TPST1: variants seen among roughly 807,000 people sequenced by gnomAD.
TPST1 encodes tyrosylprotein sulfotransferase 1.
A neutral mutation model predicts 34.8 loss-of-function variants in TPST1; 20 were observed. The ratio of observed to expected loss-of-function variants is 0.57; its 90% CI spans 0.40 to 0.84. The LOEUF (loss-of-function observed/expected upper bound fraction) is 0.84. Ranked by LOEUF, TPST1 falls within the 40% of genes least tolerant of loss-of-function variation. The pLI is 0.00. For synonymous variants in TPST1, 152 were observed against 159.4 expected (o/e 0.95, Z 0.35); for missense variants, 353 against 455.5 (o/e 0.78, Z 2.05).
intron 1 of TPST1, among the ~76,000 whole-genome samples, chr7:66,219,929 G>A (rs1310662266): frequency 6.6e-6 from 1 of 152,150 alleles, no homozygotes; most frequent in Non-Finnish European, 1.5e-5. Context: ...TTGCAGCAAT[G>A]TAAGGGATTG....
At chr7:66,350,427 C>G (rs1231869054) in intron 3 of TPST1, among the ~76,000 whole-genome samples, 3 of 152,092 alleles carry the variant, frequency 2.0e-5, no homozygotes, top group African/African-American at 7.2e-5. Flanking sequence ...GTTTTGTTAT[C>G]CTGCACCCTG....
At chr7:66,231,108 C>T (rs1789778696) in intron 1 of TPST1, among the ~76,000 whole-genome samples, 1 of 152,162 alleles carries the variant, frequency 6.6e-6, no homozygotes, top group South Asian at 2.1e-4. Flanking sequence ...TCCAAGGCCC[C>T]ACCAGAGCAG....
At chr7:66,221,118 G>GTT (rs2116286904) in intron 1 of TPST1, among the ~76,000 whole-genome samples, 1 of 150,218 alleles carries the variant, frequency 6.7e-6, no homozygotes, top group East Asian at 2.0e-4. Context: ...GGGCAACAGA[G>GTT]TGAGACTCCG....
At chr7:66,278,250 G>T (rs1422936366) in intron 2 of TPST1, among the ~76,000 whole-genome samples, 5 of 151,954 alleles carry the variant, frequency 3.3e-5, no homozygotes, top group Non-Finnish European at 7.4e-5. Context: ...TGATGGATTT[G>T]ATGTGAAGTA....
chr7:66,228,712 T>G (rs1465273074), intron 1 of TPST1, among the ~76,000 whole-genome samples: 2 of 152,168 alleles, frequency 1.3e-5, no homozygotes, highest in African/African-American at 2.4e-5. Context: ...AATACAAGAC[T>G]TTTTCTAGGA....
At chr7:66,293,818 T>C (rs1266623235) in intron 3 of TPST1, among the ~76,000 whole-genome samples, 1 of 152,220 alleles carries the variant, frequency 6.6e-6, no homozygotes, top group East Asian at 1.9e-4. Context: ...TTGGTTACAC[T>C]AGAAAAATTA....
intron 3 of TPST1, among the ~76,000 whole-genome samples, chr7:66,345,623 G>C (rs1792333260): frequency 6.6e-6 from 1 of 151,792 alleles, no homozygotes; most frequent in African/African-American, 2.4e-5. Context: ...AACACCTATG[G>C]AGAGTGGAGT....
intron 2 of TPST1, among the ~76,000 whole-genome samples, chr7:66,258,678 G>C (rs930178418): frequency 2.0e-5 from 3 of 152,146 alleles, no homozygotes; most frequent in Non-Finnish European, 2.9e-5. Context: ...AGCTGCCTGC[G>C]ATGCGTTTCT....
At chr7:66,294,572 CAAT>C (rs1791153346) in intron 3 of TPST1, among the ~76,000 whole-genome samples, 1 of 151,350 alleles carries the variant, frequency 6.6e-6, no homozygotes, top group African/African-American at 2.4e-5. Context: ...TTAAAAAAAA[CAAT>C]AATCGCTATC....
intron 2 of TPST1, among the ~76,000 whole-genome samples, chr7:66,252,653 C>T (rs1263055918): frequency 2.0e-5 from 3 of 152,126 alleles, no homozygotes; most frequent in Non-Finnish European, 2.9e-5. Flanking sequence ...CTTTTAACTT[C>T]CTTTTTAATA....
intron 2 of TPST1, among the ~76,000 whole-genome samples, chr7:66,278,929 C>T (rs1035257406): frequency 4.6e-5 from 7 of 152,090 alleles, no homozygotes; most frequent in African/African-American, 1.7e-4. Flanking sequence ...TAGAACACAT[C>T]GCTTTTTTCT....
intron 1 of TPST1, among the ~76,000 whole-genome samples, chr7:66,207,427 A>G (rs1317489605): frequency 6.6e-6 from 1 of 152,188 alleles, no homozygotes; most frequent in East Asian, 1.9e-4. Context: ...ATCTCAGAAG[A>G]AGAGGGGTCT....
intron 3 of TPST1, among the ~76,000 whole-genome samples, chr7:66,339,083 A>C (rs1422779974): frequency 6.6e-6 from 1 of 151,306 alleles, no homozygotes; most frequent in Non-Finnish European, 1.5e-5. Flanking sequence ...AAAATTGGCA[A>C]ACCTTTCAGA....
At chr7:66,309,858 A>G (rs1452761466) in intron 3 of TPST1, among the ~76,000 whole-genome samples, 1 of 151,956 alleles carries the variant, frequency 6.6e-6, no homozygotes, top group Non-Finnish European at 1.5e-5. Context: ...GGAAAAAAAG[A>G]GCTTACAAAT....
the TPST1 span, among the ~76,000 whole-genome samples, chr7:66,199,547 G>A: frequency 1.6e-4 from 25 of 151,794 alleles, no homozygotes; most frequent in Admixed American, 4.6e-4. Context: ...TGATCGCCTC[G>A]CTTCTTGAAA....
chr7:66,345,959 C>T (rs1019049960), intron 3 of TPST1, among the ~76,000 whole-genome samples: 2 of 151,178 alleles, frequency 1.3e-5, no homozygotes, highest in Non-Finnish European at 2.9e-5. Flanking sequence ...ATAATTATCC[C>T]CTCCCCCACC....
intron 3 of TPST1, among the ~76,000 whole-genome samples, chr7:66,313,683 GCTTTTT>G (rs751619403): frequency 6.6e-6 from 1 of 152,226 alleles, no homozygotes; most frequent in African/African-American, 2.4e-5. Flanking sequence ...TATTCATGGT[GCTTTTT>G]CTTTTTCTTT....
rs1282304557 is a variant in TPST1 at position 66,252,426 on chromosome 7, G to C, written c.845+11156G>C. ...GCTGGAGTGCAGTGGCGCGATCTCT[G>C]CCCACTGCAAGCTCACACCATTCTC... is the stretch of plus-strand genomic sequence containing the variant. On this transcript the variant is annotated intron_variant, in intron 2 of 5. Transcript: ENST00000304842. Among the ~76,000 whole-genome samples the C allele has an allele frequency of 2.9e-5, 4 of 139,200 alleles. No homozygotes were observed. The Admixed American group carries it at 3.1e-4, about 11-fold the overall frequency. The allele number at this position is 139,200 out of a possible 152,430, so 91.3% of individuals were successfully genotyped here. A position where few individuals can be genotyped will look rare whatever the true frequency, so the allele number is the denominator to read the frequency against.
chr7:66,316,063 T>C (rs909878032), intron 3 of TPST1, among the ~76,000 whole-genome samples: 4 of 150,750 alleles, frequency 2.7e-5, no homozygotes, highest in African/African-American at 9.8e-5. Flanking sequence ...TGAGCCAAAT[T>C]CATGCCATTG....
Sources: gnomAD v4.1 joint callset for allele counts (sites outside exome capture counted in the v4.1 genomes callset) on GRCh38, gnomAD v4.1.1 for gene constraint, MANE v1.5 for transcripts, NCBI Gene and HGNC (gene_info 2026-07-23, HGNC 2026-07-21) for gene names.